The following NTM variants were observed in gnomAD, a reference collection of about 807,000 sequenced individuals.
The protein encoded by NTM is neurotrimin, also known as IgLON family member 2.
A neutral mutation model predicts 42.1 loss-of-function variants in NTM; 13 were observed. The observed-to-expected ratio is 0.31, with a 90% CI of 0.20 to 0.49. The LOEUF is 0.49. Among genes scored for constraint, NTM ranks in the 20% least tolerant of loss-of-function variants. The pLI, the probability that NTM is intolerant of heterozygous loss-of-function variation, is 0.99. For synonymous variants in NTM, 187 were observed against 179.2 expected (o/e 1.04, Z -0.35); for missense variants, 373 against 452.8 (o/e 0.82, Z 1.60).
chr11:132,161,370 CTTTTTTTTTTTTTT>C (rs55732584), intron 3 of NTM, among the ~76,000 whole-genome samples: 4 of 64,064 alleles, frequency 6.2e-5, no homozygotes, highest in Non-Finnish European at 1.0e-4. Context: ...TTTCGAGCAG[CTTTTTTTTTTTTTT>C]TTTTTTTTTT....
intron 1 of NTM, among the ~76,000 whole-genome samples, chr11:131,487,606 A>G (rs184872621): frequency 2.9e-4 from 44 of 152,230 alleles, no homozygotes; most frequent in African/African-American, 1.0e-3. Flanking sequence ...ATTTTATTTT[A>G]TTCAAGTGAA....
At chr11:131,388,227 G>A (rs1260476900) in intron 1 of NTM, among the ~76,000 whole-genome samples, 2 of 152,214 alleles carry the variant, frequency 1.3e-5, no homozygotes. Context: ...CCGGGACAGA[G>A]GAGGCTTGGT....
chr11:131,963,805 A>G (rs976719726), intron 2 of NTM, among the ~76,000 whole-genome samples: 4 of 152,190 alleles, frequency 2.6e-5, no homozygotes, highest in Non-Finnish European at 4.4e-5. Context: ...TGAGTAATTT[A>G]TATGTACCTA....
At chr11:132,008,019 T>G (rs2071210568) in intron 2 of NTM, among the ~76,000 whole-genome samples, 1 of 152,152 alleles carries the variant, frequency 6.6e-6, no homozygotes, top group Non-Finnish European at 1.5e-5. Context: ...TGCTTCGATT[T>G]TAGAATAAGC....
chr11:131,995,837 A>G (rs1485772858), intron 2 of NTM, among the ~76,000 whole-genome samples: 1 of 152,094 alleles, frequency 6.6e-6, no homozygotes, highest in Non-Finnish European at 1.5e-5. Context: ...ACAGTGGAAA[A>G]TGAATGTAGC....
intron 1 of NTM, among the ~76,000 whole-genome samples, chr11:131,552,885 G>T (rs763341628): frequency 3.3e-5 from 5 of 151,938 alleles, no homozygotes; most frequent in Non-Finnish European, 5.9e-5. Context: ...TGAAGACAGA[G>T]GTTGTGGTGT....
chr11:131,598,851 TC>T (rs1164171330), intron 1 of NTM, among the ~76,000 whole-genome samples: 1 of 67,402 alleles, frequency 1.5e-5, no homozygotes, highest in African/African-American at 4.9e-5. Flanking sequence ...CTTTCTTTCT[TC>T]CTTCCTTCCT....
intron 2 of NTM, among the ~76,000 whole-genome samples, chr11:132,095,786 G>A (rs963403359): frequency 3.9e-5 from 6 of 152,180 alleles, no homozygotes. Flanking sequence ...TAGAAAGGGA[G>A]GAAACTCCAT....
intron 2 of NTM, among the ~76,000 whole-genome samples, chr11:132,132,026 G>A (rs569117257): frequency 4.6e-5 from 7 of 152,190 alleles, no homozygotes; most frequent in African/African-American, 7.2e-5. Context: ...AAGAGTTTCC[G>A]TAAAGGACTT....
chr11:131,488,016 A>T (rs1296507773), intron 1 of NTM, among the ~76,000 whole-genome samples: 1 of 152,198 alleles, frequency 6.6e-6, no homozygotes, highest in East Asian at 1.9e-4. Context: ...AGCAGTCAAC[A>T]CATAGCACCA....
At chr11:131,630,031 G>A (rs543870094) in intron 1 of NTM, among the ~76,000 whole-genome samples, 38 of 152,210 alleles carry the variant, frequency 2.5e-4, no homozygotes, top group Non-Finnish European at 5.0e-4. Flanking sequence ...CTTTCAAGCA[G>A]TACAAAGGGA....
chr11:131,927,491 T>C (rs1179829478), intron 2 of NTM, among the ~76,000 whole-genome samples: 3 of 152,178 alleles, frequency 2.0e-5, no homozygotes, highest in East Asian at 3.9e-4. Flanking sequence ...TGTTTGAATT[T>C]TTATCCACAG....
At chr11:132,216,708 T>C (rs2083928320) in intron 4 of NTM, among the ~76,000 whole-genome samples, 1 of 152,214 alleles carries the variant, frequency 6.6e-6, no homozygotes, top group Admixed American at 6.5e-5. Context: ...ACCTAGGAAG[T>C]GTTTAATAAA....
intron 1 of NTM, among the ~76,000 whole-genome samples, chr11:131,516,280 T>A (rs181410441): frequency 6.6e-6 from 1 of 152,350 alleles, no homozygotes; most frequent in African/African-American, 2.4e-5. Flanking sequence ...GATGCTTAGT[T>A]TATTAATTCA....
intron 1 of NTM, among the ~76,000 whole-genome samples, chr11:131,643,116 T>A (rs2065338385): frequency 6.6e-6 from 1 of 152,004 alleles, no homozygotes; most frequent in Non-Finnish European, 1.5e-5. Context: ...GAGATCATAT[T>A]TCAATTCCTA....
intron 4 of NTM, among the ~76,000 whole-genome samples, chr11:132,227,286 G>A (rs1289482278): frequency 6.6e-6 from 1 of 152,220 alleles, no homozygotes; most frequent in African/African-American, 2.4e-5. Context: ...CCAGGGAGAT[G>A]AGGATTAAGA....
intron 2 of NTM, among the ~76,000 whole-genome samples, chr11:131,945,446 C>CT (rs1379488759): frequency 2.0e-5 from 3 of 152,122 alleles, no homozygotes; most frequent in African/African-American, 7.2e-5. Flanking sequence ...ACCTCCTTGA[C>CT]TTTTTTTCTG....
intron 2 of NTM, among the ~76,000 whole-genome samples, chr11:131,995,075 T>A (rs185392510): frequency 6.6e-6 from 1 of 152,290 alleles, no homozygotes; most frequent in Non-Finnish European, 1.5e-5. Flanking sequence ...TAGATCCCCC[T>A]GTCCTCTAGT....
At chr11:131,683,062 A>G (rs965743644) in intron 1 of NTM, among the ~76,000 whole-genome samples, 1 of 152,170 alleles carries the variant, frequency 6.6e-6, no homozygotes, top group Non-Finnish European at 1.5e-5. Flanking sequence ...TGGCGAAAAT[A>G]ACAACCCACA....
Sources: gnomAD v4.1 joint callset for allele counts (sites outside exome capture counted in the v4.1 genomes callset) on GRCh38, gnomAD v4.1.1 for gene constraint, MANE v1.5 for transcripts, NCBI Gene and HGNC (gene_info 2026-07-23, HGNC 2026-07-21) for gene names.